Variants in DCC observed in about 807,000 individuals in gnomAD.
DCC encodes netrin receptor DCC.
A neutral mutation model predicts 172.5 loss-of-function variants in DCC; 58 were observed. The ratio of observed to expected loss-of-function variants is 0.34; its 90% CI spans 0.27 to 0.42. The LOEUF (loss-of-function observed/expected upper bound fraction) is 0.42. DCC is among the 10% of genes least tolerant of loss of function. DCC has a pLI of 1.00. For missense variants in DCC, 1,740 were observed against 1,791.0 expected (o/e 0.97, Z 0.51); for synonymous variants, 709 against 644.5 (o/e 1.10, Z -1.52).
chr18:52,580,059 C>T (rs2033508598), intron 1 of DCC, among the ~76,000 whole-genome samples: 1 of 152,148 alleles, frequency 6.6e-6, no homozygotes, highest in South Asian at 2.1e-4. Context: ...GGAGGGAATG[C>T]CAGGATAATT....
At chr18:52,751,641 GC>G (rs2036995809) in intron 1 of DCC, among the ~76,000 whole-genome samples, 2 of 152,116 alleles carry the variant, frequency 1.3e-5, no homozygotes. Flanking sequence ...TTCAATGGAT[GC>G]CATAATCAGA....
chr18:52,870,313 A>AG (rs1344412024), intron 2 of DCC, among the ~76,000 whole-genome samples: 7 of 152,100 alleles, frequency 4.6e-5, no homozygotes, highest in African/African-American at 1.7e-4. Context: ...CATGGGGCAC[A>AG]GGGGACCCAT....
intron 2 of DCC, among the ~76,000 whole-genome samples, chr18:52,760,489 C>T (rs538998823): frequency 6.6e-6 from 1 of 152,156 alleles, no homozygotes; most frequent in East Asian, 1.9e-4. Flanking sequence ...ATGGACAGCT[C>T]TCACATAGAA....
chr18:52,855,590 A>G (rs2039038820), intron 2 of DCC, among the ~76,000 whole-genome samples: 1 of 152,116 alleles, frequency 6.6e-6, no homozygotes, highest in Non-Finnish European at 1.5e-5. Flanking sequence ...AATGCTCATG[A>G]TCCACTCTAG....
intron 1 of DCC, among the ~76,000 whole-genome samples, chr18:52,629,747 G>C (rs1009121918): frequency 6.6e-6 from 1 of 151,846 alleles, no homozygotes; most frequent in Non-Finnish European, 1.5e-5. Context: ...TCAGGCGATC[G>C]AGACCATCCT....
chr18:52,979,979 A>G (rs1404550154), intron 5 of DCC, among the ~76,000 whole-genome samples: 1 of 152,146 alleles, frequency 6.6e-6, no homozygotes, highest in African/African-American at 2.4e-5. Context: ...AGGAGAGGGG[A>G]TGTGAGTTCT....
chr18:52,773,191 T>C (rs142946801), intron 2 of DCC, among the ~76,000 whole-genome samples: 16 of 152,354 alleles, frequency 1.1e-4, no homozygotes, highest in African/African-American at 3.6e-4. Context: ...CTGAAAACTA[T>C]AGCCTATGTG....
intron 10 of DCC, among the ~76,000 whole-genome samples, chr18:53,206,925 AATTAT>A (rs1325678810): frequency 1.3e-5 from 2 of 152,044 alleles, no homozygotes; most frequent in Admixed American, 6.6e-5. Context: ...CCCAGTCCCA[AATTAT>A]ATTATAAGAT....
intron 1 of DCC, among the ~76,000 whole-genome samples, chr18:52,451,473 C>A (rs1988302654): frequency 6.6e-6 from 1 of 152,162 alleles, no homozygotes. Context: ...CCCAGAAAGC[C>A]TCACTGTGTT....
intron 7 of DCC, 141 bp from the exon 8 acceptor site, chr18:53,157,215 A>G: frequency 1.0e-6 from 1 of 985,540 alleles, no homozygotes; most frequent in Non-Finnish European, 1.6e-6. Flanking sequence ...TACTGTGTGC[A>G]TTCCCTTGGT....
At chr18:52,839,261 A>T (rs1444551702) in intron 2 of DCC, among the ~76,000 whole-genome samples, 1 of 152,174 alleles carries the variant, frequency 6.6e-6, no homozygotes, top group Non-Finnish European at 1.5e-5. Flanking sequence ...AAGTGTTTGC[A>T]CGTGTATGTG....
In DCC at chr18:53,339,673, G is replaced by A. The variant is rs572730255; in HGVS notation, c.2165-40G>A. 2.0e-6 allele frequency: 3 copies of A among 1,516,758 alleles called. No individual in the cohort carries two copies. In the African/African-American group the frequency reaches 4.1e-5, roughly 21 times the overall value. 94.0% of individuals were successfully genotyped at this position (1,516,758 alleles called of 1,614,324 possible). ...GGTGTTCTGCCGTGCTACATTTTCTGTTATGAGACATGCTGATGATGCCTC... is the reference window on the plus strand; with the variant it reads ...GGTGTTCTGCCGTGCTACATTTTCTATTATGAGACATGCTGATGATGCCTC... On this transcript the variant is annotated intron_variant, in intron 14 of 28. Transcript: ENST00000442544.
intron 12 of DCC, among the ~76,000 whole-genome samples, chr18:53,301,308 C>T (rs565541055): frequency 2.0e-5 from 3 of 151,886 alleles, no homozygotes; most frequent in East Asian, 3.9e-4. Flanking sequence ...AGGCTGGTCT[C>T]GAACTCCTGA....
intron 7 of DCC, among the ~76,000 whole-genome samples, chr18:53,108,680 C>A (rs917597580): frequency 6.6e-6 from 1 of 151,682 alleles, no homozygotes; most frequent in South Asian, 2.1e-4. Flanking sequence ...TGAATGGAAT[C>A]CCACCATGTA....
chr18:52,367,504 A>G (rs1278286476), intron 1 of DCC, among the ~76,000 whole-genome samples: 1 of 152,216 alleles, frequency 6.6e-6, no homozygotes, highest in Non-Finnish European at 1.5e-5. Context: ...CTTCAGAAGG[A>G]CACTGGGAGA....
At chr18:52,646,274 A>G (rs192627808) in intron 1 of DCC, among the ~76,000 whole-genome samples, 4 of 152,366 alleles carry the variant, frequency 2.6e-5, no homozygotes, top group Non-Finnish European at 5.9e-5. Context: ...CTTAATTTCT[A>G]CATTTTACAT....
chr18:52,789,747 C>A (rs2037724860), intron 2 of DCC, among the ~76,000 whole-genome samples: 1 of 152,164 alleles, frequency 6.6e-6, no homozygotes, highest in South Asian at 2.1e-4. Flanking sequence ...CAAACAACTC[C>A]ATTTTGTTTC....
In DCC at chr18:52,581,187, T is replaced by TTATCTATCTATCTATC. The variant is rs74178674; in HGVS notation, c.92-170860_92-170845dup. On this transcript the variant is annotated intron_variant, in intron 1 of 28. Transcript: ENST00000442544. The stretch of plus-strand genomic sequence containing the variant: ...AAACATCTCTTTCTATCTATATATC[T>TTATCTATCTATCTATC]TATCTATCTATCTATCTATCTAAAT... Among the ~76,000 whole-genome samples the TTATCTATCTATCTATC allele has an allele frequency of 2.2e-3, 322 of 146,552 alleles. 1 individual carries two copies. The highest frequency in any genetic ancestry group is 5.7e-3 in the Admixed American group (83 of 14,558).
At chr18:52,509,163 A>G (rs978224252) in intron 1 of DCC, among the ~76,000 whole-genome samples, 2 of 152,232 alleles carry the variant, frequency 1.3e-5, no homozygotes, top group Non-Finnish European at 2.9e-5. Context: ...TTTGCATTTG[A>G]ATTGAAATGT....
Sources: gnomAD v4.1 joint callset for allele counts (sites outside exome capture counted in the v4.1 genomes callset) on GRCh38, gnomAD v4.1.1 for gene constraint, MANE v1.5 for transcripts, NCBI Gene and HGNC (gene_info 2026-07-23, HGNC 2026-07-21) for gene names.